Variants in CTNNBL1 observed in about 807,000 individuals in gnomAD.
CTNNBL1 encodes the protein beta-catenin-like protein 1.
In CTNNBL1, 31 loss-of-function variants were observed where a neutral mutation model predicts 72.7. That is an observed-to-expected ratio of 0.43 (90% CI 0.32 to 0.58). The LOEUF (loss-of-function observed/expected upper bound fraction) is 0.58, where lower values mean the gene tolerates loss of function less well. CTNNBL1 is among the 20% of genes least tolerant of loss of function. The pLI is 0.08. For missense variants in CTNNBL1, 534 were observed against 725.1 expected (o/e 0.74, Z 3.03); for synonymous variants, 240 against 267.3 (o/e 0.90, Z 1.00).
chr20:37,712,251 G>A (rs1337555494), intron 1 of CTNNBL1, among the ~76,000 whole-genome samples: 1 of 152,228 alleles, frequency 6.6e-6, no homozygotes. Context: ...CGTGCCTTTT[G>A]TTGAGCGCCC....
At position 37,700,089 on chromosome 20, in the gene CTNNBL1, T is replaced by C. The variant is rs189604314; in HGVS notation, c.30+5937T>C. 2.8e-3 allele frequency among the ~76,000 whole-genome samples: 429 copies of C among 152,310 alleles called. 1 individual carries two copies. The highest frequency in any genetic ancestry group is 4.7e-3 in the Non-Finnish European group (317 of 68,018). ...TTTCAAGGGATAAAAACGCTTCATG[T>C]GGTAGACTGAGTGGGGCTGAGAATC... On this transcript the variant is annotated intron_variant, in intron 1 of 15. Transcript: ENST00000361383.
chr20:37,786,476 GT>G (rs200850758), intron 10 of CTNNBL1, among the ~76,000 whole-genome samples: 2 of 151,676 alleles, frequency 1.3e-5, no homozygotes, highest in African/African-American at 4.8e-5. Context: ...AATTGGATTT[GT>G]TTTTTTTGGA....
intron 5 of CTNNBL1, among the ~76,000 whole-genome samples, chr20:37,763,966 A>G (rs1438123310): frequency 1.3e-5 from 2 of 152,238 alleles, no homozygotes; most frequent in African/African-American, 2.4e-5. Context: ...GACTTGGGGT[A>G]TACAAAGATG....
intron 10 of CTNNBL1, among the ~76,000 whole-genome samples, chr20:37,798,462 A>G (rs147525327): frequency 8.3e-4 from 127 of 152,278 alleles, no homozygotes; most frequent in African/African-American, 2.9e-3. Flanking sequence ...AAGATAAACT[A>G]CTTGTCCTCC....
chr20:37,796,272 C>T (rs2073773373), intron 10 of CTNNBL1, among the ~76,000 whole-genome samples: 1 of 152,114 alleles, frequency 6.6e-6, no homozygotes, highest in Non-Finnish European at 1.5e-5. Flanking sequence ...AAGGGGCCCT[C>T]TGCAGATCTC....
intron 1 of CTNNBL1, among the ~76,000 whole-genome samples, chr20:37,696,903 C>T (rs139700782): frequency 3.3e-5 from 5 of 151,786 alleles, no homozygotes; most frequent in African/African-American, 4.8e-5. Context: ...TAAAGTGGGC[C>T]GGGTGTGGTA....
chr20:37,825,159 C>T (rs1445251860), intron 11 of CTNNBL1, among the ~76,000 whole-genome samples: 1 of 152,006 alleles, frequency 6.6e-6, no homozygotes, highest in East Asian at 1.9e-4. Flanking sequence ...TTGAGACCAG[C>T]CTGGTCAACA....
At position 37,840,135 on chromosome 20, in the gene CTNNBL1, G is replaced by A. The variant is rs778965440; in HGVS notation, c.1247G>A (p.Arg416Gln). ...HVCSILASLL[R>Q]NLRGQQRTRL... ...TGTTCGATCCTGGCTTCCCTCCTGC[G>A]GAACCTGAGAGGGCAGCAGCGGACC... Residue 416 changes from arginine (R) to glutamine (Q), a missense_variant, in exon 12 of 16, where the codon CGG (arginine) becomes CAG (glutamine). Coordinates refer to ENST00000361383, the MANE Select transcript of CTNNBL1 (RefSeq NM_030877.5). 25 of 1,613,694 alleles carry A rather than the reference G, an allele frequency of 1.5e-5. No individual in the cohort carries two copies. Among genetic ancestry groups the A allele is most frequent in the African/African-American group, 4.0e-5 (3 of 74,864 alleles).
intron 3 of CTNNBL1, among the ~76,000 whole-genome samples, chr20:37,745,798 A>G (rs1409281742): frequency 6.6e-6 from 1 of 152,198 alleles, no homozygotes; most frequent in Non-Finnish European, 1.5e-5. Context: ...TATGTCAAAC[A>G]CCGGGGGAGG....
intron 1 of CTNNBL1, among the ~76,000 whole-genome samples, chr20:37,713,096 A>G (rs142042440): frequency 1.3e-3 from 192 of 152,390 alleles, no homozygotes; most frequent in African/African-American, 4.4e-3. Flanking sequence ...ACTTGGAGAC[A>G]GAAATTCGTA....
chr20:37,742,955 C>T (rs2073230587), intron 3 of CTNNBL1, among the ~76,000 whole-genome samples: 3 of 152,090 alleles, frequency 2.0e-5, no homozygotes, highest in Non-Finnish European at 4.4e-5. Flanking sequence ...AAGTGTGCGC[C>T]ACCACACCTA....
At chr20:37,772,155 C>A (rs974846622) in intron 7 of CTNNBL1, among the ~76,000 whole-genome samples, 1 of 152,186 alleles carries the variant, frequency 6.6e-6, no homozygotes, top group Non-Finnish European at 1.5e-5. Context: ...CTCCAAATAT[C>A]TCTAAATTTT....
At chr20:37,865,908 G>A (rs1002814805) in intron 15 of CTNNBL1, among the ~76,000 whole-genome samples, 3 of 152,220 alleles carry the variant, frequency 2.0e-5, no homozygotes, top group African/African-American at 7.2e-5. Context: ...CCTTTGATTT[G>A]CGAGTATTCT....
intron 11 of CTNNBL1, among the ~76,000 whole-genome samples, chr20:37,830,395 C>T (rs149962061): frequency 1.5e-3 from 229 of 152,214 alleles, no homozygotes; most frequent in African/African-American, 5.3e-3. Context: ...GACCCAGCTC[C>T]GCTTGCTAGG....
At chr20:37,718,981 A>G (rs2122573552) in intron 1 of CTNNBL1, among the ~76,000 whole-genome samples, 1 of 152,328 alleles carries the variant, frequency 6.6e-6, no homozygotes, top group Non-Finnish European at 1.5e-5. Flanking sequence ...TATTGTCACT[A>G]ATTTGAGTCT....
chr20:37,708,732 A>G (rs1041742797), intron 1 of CTNNBL1, among the ~76,000 whole-genome samples: 12 of 152,130 alleles, frequency 7.9e-5, no homozygotes, highest in Non-Finnish European at 2.9e-5. Flanking sequence ...GTGCCTTTCT[A>G]TCTTTTAACT....
intron 2 of CTNNBL1, 122 bp downstream of exon 2, chr20:37,733,189 A>G (rs1954184448): frequency 2.4e-6 from 2 of 819,994 alleles, no homozygotes; most frequent in African/African-American, 1.7e-5. Flanking sequence ...AAGAATTCAT[A>G]TTTCATCGCG....
intron 4 of CTNNBL1, among the ~76,000 whole-genome samples, chr20:37,752,720 A>G (rs2073331541): frequency 6.6e-6 from 1 of 152,008 alleles, no homozygotes; most frequent in South Asian, 2.1e-4. Context: ...TCCAAGAGCC[A>G]TTGTGTTATG....
chr20:37,704,441 G>A (rs2072868625), intron 1 of CTNNBL1, among the ~76,000 whole-genome samples: 2 of 152,050 alleles, frequency 1.3e-5, no homozygotes, highest in Admixed American at 1.3e-4. Flanking sequence ...TTGACAGGGT[G>A]TAGTGCTTCA....
Sources: allele counts gnomAD v4.1 joint callset (sites outside exome capture counted in the v4.1 genomes callset), GRCh38; gene constraint gnomAD v4.1.1; transcripts MANE v1.5; gene names NCBI Gene and HGNC (gene_info 2026-07-23, HGNC 2026-07-21).